Variants in SPATA7 observed in about 807,000 individuals in gnomAD.
SPATA7 encodes spermatogenesis associated 7.
Under a neutral mutation model 51.8 loss-of-function variants are expected in SPATA7, and 43 were observed. That is an observed-to-expected ratio of 0.83 (90% CI 0.65 to 1.07). The LOEUF (loss-of-function observed/expected upper bound fraction) is 1.07. Among genes scored for constraint, SPATA7 ranks in the 50% least tolerant of loss-of-function variants. The pLI is 0.00. For synonymous variants in SPATA7, 230 were observed against 252.8 expected (o/e 0.91, Z 0.86); for missense variants, 683 against 701.3 (o/e 0.97, Z 0.30).
intron 4 of SPATA7, among the ~76,000 whole-genome samples, chr14:88,460,554 C>A (rs2077310795): frequency 6.6e-6 from 1 of 152,190 alleles, no homozygotes. Flanking sequence ...TGTTTTTCAG[C>A]TCCATCAGGT....
downstream of SPATA7, among the ~76,000 whole-genome samples, chr14:88,459,872 T>G (rs2077306215): frequency 6.6e-6 from 1 of 151,112 alleles, no homozygotes; most frequent in South Asian, 2.1e-4. Context: ...CTTTCCATGT[T>G]TACTGCTTCT....
intron 4 of SPATA7, among the ~76,000 whole-genome samples, chr14:88,464,132 G>A (rs1254733399): frequency 6.6e-6 from 1 of 151,986 alleles, no homozygotes; most frequent in Non-Finnish European, 1.5e-5. Flanking sequence ...GAGCCACCAC[G>A]ACCGGCCTTC....
At chr14:88,400,012 C>A (rs2076013633) in intron 4 of SPATA7, among the ~76,000 whole-genome samples, 1 of 152,008 alleles carries the variant, frequency 6.6e-6, no homozygotes, top group Non-Finnish European at 1.5e-5. Context: ...ACCTTTATAC[C>A]CTATTGAAGA....
chr14:88,441,884 C>T (rs76230987), downstream of SPATA7, among the ~76,000 whole-genome samples: 3,963 of 152,146 alleles, frequency 0.026, 182 homozygotes, highest in African/African-American at 0.09. Context: ...GATGCATTTG[C>T]GTTTGGGTTC....
At chr14:88,396,134 A>C (rs769306535) in intron 3 of SPATA7, 22 bp from the exon 4 acceptor site, 2 of 1,591,458 alleles carry the variant, frequency 1.3e-6, no homozygotes, top group Non-Finnish European at 1.7e-6. Flanking sequence ...AATATTATTA[A>C]ACTATTACCT....
intron 3 of SPATA7, among the ~76,000 whole-genome samples, chr14:88,451,803 G>A (rs1186266079): frequency 6.6e-6 from 1 of 152,128 alleles, no homozygotes; most frequent in Admixed American, 6.5e-5. Flanking sequence ...GGGGTTATAG[G>A]TGTGAGCCGC....
At chr14:88,424,120 T>C (rs1050827913) in intron 5 of SPATA7, among the ~76,000 whole-genome samples, 3 of 152,200 alleles carry the variant, frequency 2.0e-5, no homozygotes, top group South Asian at 2.1e-4. Context: ...CTTTGCTCCA[T>C]TGGCACATAA....
intron 4 of SPATA7, chr14:88,468,088 T>A (rs778142300): frequency 1.6e-5 from 25 of 1,599,564 alleles, no homozygotes; most frequent in South Asian, 5.6e-5. Flanking sequence ...GCTTTTTTTT[T>A]AAGCTGTAAA....
At position 88,431,196 on chromosome 14, in the gene SPATA7, G is replaced by GC. The variant is rs878853385; in HGVS notation, c.1058dup (p.Ser354PhefsTer4). On this transcript the variant is annotated frameshift_variant, in exon 9 of 12. Coordinates refer to ENST00000393545, the MANE Select transcript of SPATA7 (RefSeq NM_018418.5). LOFTEE classifies it high-confidence loss of function. ...GGGCAATGTGTCAGTATTCCCTGAA[G>GC]CCCCCTTCAACTCGTAAAATCTACT... 23 of 1,613,556 alleles carry GC rather than the reference G, an allele frequency of 1.4e-5. No individual in the cohort carries two copies. The highest frequency in any genetic ancestry group is 1.6e-5 in the Non-Finnish European group (19 of 1,179,742).
Position 88,426,541 on chromosome 14 carries a change from A to G in SPATA7, c.682A>G (p.Lys228Glu). The change falls in exon 6 of 12, where the codon AAA becomes GAA. Residue 228 changes from lysine to glutamate, a missense_variant. Coordinates refer to ENST00000393545, the MANE Select transcript of SPATA7 (RefSeq NM_018418.5). ...SKAPSGDLLD[K>E]HSELFSNKQL... Reference sequence around the variant, plus strand: ...AGCACCCAGTGGGGATCTTTTGGATAAACATTCTGAACTCTTTTCTAACAA... The same window carrying G: ...AGCACCCAGTGGGGATCTTTTGGATGAACATTCTGAACTCTTTTCTAACAA... 1 of 1,614,198 alleles carries G rather than the reference A, an allele frequency of 6.2e-7. No homozygotes were observed. Among genetic ancestry groups the G allele is most frequent in the Non-Finnish European group, 8.5e-7 (1 of 1,180,020 alleles).
intron 4 of SPATA7, among the ~76,000 whole-genome samples, chr14:88,461,271 T>G (rs1411450951): frequency 1.3e-5 from 2 of 152,230 alleles, no homozygotes; most frequent in Admixed American, 1.3e-4. Context: ...CAGAGGTTTC[T>G]GCTGCCTTTT....
chr14:88,445,777 C>G (rs187463296), intron 3 of SPATA7, among the ~76,000 whole-genome samples: 9 of 152,224 alleles, frequency 5.9e-5, no homozygotes, highest in African/African-American at 2.2e-4. Flanking sequence ...TGTTTATATG[C>G]TGGATTACCT....
intron 8 of SPATA7, among the ~76,000 whole-genome samples, chr14:88,430,216 G>GTA: frequency 6.6e-6 from 1 of 152,140 alleles, no homozygotes; most frequent in East Asian, 1.9e-4. Context: ...CACTAGGGAA[G>GTA]TACACACAAT....
intron 3 of SPATA7, among the ~76,000 whole-genome samples, chr14:88,450,727 G>A (rs2077244665): frequency 1.3e-5 from 2 of 152,174 alleles, no homozygotes; most frequent in African/African-American, 4.8e-5. Flanking sequence ...TAGCTCTTAA[G>A]AGTCTTTCCT....
At chr14:88,415,502 T>TA (rs200927155) in intron 4 of SPATA7, among the ~76,000 whole-genome samples, 1 of 151,674 alleles carries the variant, frequency 6.6e-6, no homozygotes, top group African/African-American at 2.4e-5. Flanking sequence ...TGTTTTTTTT[T>TA]AAATAAAATA....
chr14:88,464,956 G>T (rs1451600345), intron 4 of SPATA7, among the ~76,000 whole-genome samples: 1 of 152,098 alleles, frequency 6.6e-6, no homozygotes, highest in African/African-American at 2.4e-5. Flanking sequence ...ACGTCATGCT[G>T]TCGCCACTCA....
intron 4 of SPATA7, among the ~76,000 whole-genome samples, chr14:88,462,912 A>G (rs960703044): frequency 6.6e-6 from 1 of 152,240 alleles, no homozygotes; most frequent in Admixed American, 6.5e-5. Flanking sequence ...ATATTAAAGC[A>G]TAACTCAAAA....
At chr14:88,420,352 G>A (rs2076607653) in intron 5 of SPATA7, among the ~76,000 whole-genome samples, 1 of 152,100 alleles carries the variant, frequency 6.6e-6, no homozygotes, top group South Asian at 2.1e-4. Flanking sequence ...GCATTCCATG[G>A]CATCTTTCCC....
At position 88,414,232 on chromosome 14, in the gene SPATA7, T is replaced by A. The variant is rs2076416245; in HGVS notation, c.239-2479T>A. Among the ~76,000 whole-genome samples, 3 of 152,256 alleles carry A rather than the reference T, an allele frequency of 2.0e-5. No homozygotes were observed. The South Asian group carries it at 6.2e-4, about 32-fold the overall frequency. ...AGGTTTTTTTTATTACTGGTTCGAT[T>A]TTGGAACTCAGTATTTCTCTTCAGG... On this transcript the variant is annotated intron_variant, in intron 4 of 11. Coordinates refer to ENST00000393545, the MANE Select transcript of SPATA7 (RefSeq NM_018418.5).
Sources: allele counts gnomAD v4.1 joint callset (sites outside exome capture counted in the v4.1 genomes callset), GRCh38; gene constraint gnomAD v4.1.1; transcripts MANE v1.5; gene names NCBI Gene and HGNC (gene_info 2026-07-23, HGNC 2026-07-21).